SREK1: variants seen among roughly 807,000 people sequenced by gnomAD.
The protein encoded by SREK1 is splicing regulatory glutamic acid and lysine rich protein 1, also known as splicing regulatory glutamine/lysine-rich protein 1.
In SREK1, 13 loss-of-function variants were observed where a neutral mutation model predicts 66.5. That is an observed-to-expected ratio of 0.20 (90% CI 0.13 to 0.31). The LOEUF is 0.31. SREK1 is among the 10% of genes least tolerant of loss of function. The probability of loss-of-function intolerance (pLI) is 1.00; values close to 1 mark genes in which losing one functional copy is unlikely to be tolerated. For synonymous variants in SREK1, 265 were observed against 263.5 expected (o/e 1.01, Z -0.05); for missense variants, 607 against 769.6 (o/e 0.79, Z 2.50).
chr5:66,154,126 G>A (rs531651579), intron 2 of SREK1, among the ~76,000 whole-genome samples: 40 of 152,076 alleles, frequency 2.6e-4, no homozygotes, highest in African/African-American at 8.9e-4. Flanking sequence ...GGAATTTAAT[G>A]TTTTCTTTTA....
chr5:66,168,970 A>G (rs1217528974), intron 7 of SREK1: 1 of 152,202 alleles, frequency 6.6e-6, no homozygotes, highest in African/African-American at 2.4e-5. Flanking sequence ...TCCACTTTAT[A>G]GAGGAAGAAA....
Position 66,181,578 on chromosome 5 carries a change from C to T in SREK1, c.*2710C>T, listed in dbSNP as rs1228358826. On this transcript the variant is annotated 3_prime_UTR_variant, in exon 12 of 12. Transcript: ENST00000334121. ...TCCTTAAGTTGTAGTTGCTATTTAT[C>T]ATTGTAGACAAATTCTGTTGCCTTT... The T allele has an allele frequency of 1.3e-5, 2 of 152,178 alleles. No homozygotes were observed. The highest frequency in any genetic ancestry group is 2.4e-5 in the African/African-American group (1 of 41,456). The allele number at this position is 152,178 out of a possible 1,614,324, so 9.4% of individuals were successfully genotyped here.
chr5:66,159,145 G>T, intron 2 of SREK1, 74 bp from the exon 3 acceptor site: 2 of 1,532,086 alleles, frequency 1.3e-6, no homozygotes, highest in Non-Finnish European at 8.8e-7. Flanking sequence ...AACTGCAAGG[G>T]TAATTGTAAA....
In SREK1 at chr5:66,170,959, C is replaced by A. The variant is rs1580668613; in HGVS notation, c.1484+12C>A. On this transcript the variant is annotated intron_variant, in intron 9 of 11. Coordinates refer to ENST00000334121, the MANE Select transcript of SREK1 (RefSeq NM_001077199.3). ...CGTAGTTCCAGCAGGTTTGATAATG[C>A]TTAAAATTTTTACAAAGGGATTTGC... 4.4e-6 allele frequency: 7 copies of A among 1,574,894 alleles called. No individual in the cohort carries two copies. Among genetic ancestry groups the A allele is most frequent in the East Asian group, 4.5e-5 (2 of 44,562 alleles).
In SREK1 at chr5:66,177,549, G is replaced by C; in HGVS notation, c.1616G>C (p.Arg539Thr). Residue 539 changes from arginine (R) to threonine (T), a missense_variant, in exon 11 of 12, where the codon AGG (arginine) becomes ACG (threonine). By Grantham distance (71) the Arg-to-Thr change is moderately conservative. Around this residue, in one of 5 missense-constraint regions of SREK1, gnomAD observed 318 missense variants for 310.3 expected, o/e 1.02. Coordinates refer to ENST00000334121, the MANE Select transcript of SREK1 (RefSeq NM_001077199.3). Reference sequence around the variant, plus strand: ...AAGGATAAAAAGAGAGAAAAAGAAAGGGACCACATCAGTGAAAGAAGAGAG... The same window carrying C: ...AAGGATAAAAAGAGAGAAAAAGAAACGGACCACATCAGTGAAAGAAGAGAG... The part of the protein sequence containing the change: ...NKKDKKREKE[R>T]DHISERRERE... 2 of 1,603,194 alleles carry C rather than the reference G, an allele frequency of 1.2e-6. No individual in the cohort carries two copies. Among genetic ancestry groups the C allele is most frequent in the Non-Finnish European group, 1.7e-6 (2 of 1,175,024 alleles).
At chr5:66,151,281 G>T (rs778789103) in intron 1 of SREK1, among the ~76,000 whole-genome samples, 18 of 152,160 alleles carry the variant, frequency 1.2e-4, no homozygotes, top group Non-Finnish European at 2.1e-4. Context: ...GTCAAACAGT[G>T]GTTCTCAGAG....
At chr5:66,177,722 A>C in intron 11 of SREK1, 64 bp downstream of exon 11, 1 of 1,404,310 alleles carries the variant, frequency 7.1e-7, no homozygotes, top group Non-Finnish European at 9.5e-7. Flanking sequence ...AAATGGTTTT[A>C]GACTGAAAGC....
intron 2 of SREK1, chr5:66,157,377 T>C: frequency 1.0e-6 from 1 of 982,890 alleles, no homozygotes; most frequent in Non-Finnish European, 1.2e-6. Context: ...GGACAAGTAA[T>C]ATTAAATTTG....
rs181317511 is a variant in SREK1 at position 66,151,888 on chromosome 5, T to C, written c.162-1575T>C. On this transcript the variant is annotated intron_variant, in intron 1 of 11. Coordinates refer to ENST00000334121, the MANE Select transcript of SREK1 (RefSeq NM_001077199.3). ...TGAGAAGGAGTCTCGCTCTGTTGCC[T>C]AGGCTGGAGTGCAGTGGCGCAATCT... is the stretch of plus-strand genomic sequence containing the variant. Among the ~76,000 whole-genome samples the C allele has an allele frequency of 4.4e-3, 589 of 133,810 alleles. 4 individuals carry two copies. The highest frequency in any genetic ancestry group is 0.015 in the African/African-American group (545 of 37,098). 87.8% of individuals were successfully genotyped at this position (133,810 alleles called of 152,430 possible). A position where few individuals can be genotyped will look rare whatever the true frequency, so the allele number is the denominator to read the frequency against.
chr5:66,144,363 G>A lies in SREK1; in HGVS notation c.-14G>A. The A allele has an allele frequency of 6.5e-7, 1 of 1,530,794 alleles. No individual in the cohort carries two copies. The highest frequency in any genetic ancestry group is 8.8e-7 in the Non-Finnish European group (1 of 1,132,010). 94.8% of individuals were successfully genotyped at this position (1,530,794 alleles called of 1,614,324 possible). ...GACGTTGGGGAGCGGGAAGGCAACG[G>A]CAGCGGGATCGGGATGAACAGCGGC... is the stretch of plus-strand genomic sequence containing the variant. On this transcript the variant is annotated 5_prime_UTR_variant, in exon 1 of 12. Coordinates refer to ENST00000334121, the MANE Select transcript of SREK1 (RefSeq NM_001077199.3).
rs1226036719 is a variant in SREK1 at position 66,180,689 on chromosome 5, C to G, written c.*1821C>G. ...GTAAAGTATAGATGGTCATTTTAATCATTCAGCCACATACGGTTGGCTGGT... is the reference window on the plus strand; with the variant it reads ...GTAAAGTATAGATGGTCATTTTAATGATTCAGCCACATACGGTTGGCTGGT... On this transcript the variant is annotated 3_prime_UTR_variant, in exon 12 of 12. Coordinates refer to ENST00000334121, the MANE Select transcript of SREK1 (RefSeq NM_001077199.3). 6.6e-6 allele frequency: 1 copy of G among 152,638 alleles called. No homozygotes were observed. The highest frequency in any genetic ancestry group is 1.9e-4 in the East Asian group (1 of 5,190). 9.5% of individuals were successfully genotyped at this position (152,638 alleles called of 1,614,324 possible). A position where few individuals can be genotyped will look rare whatever the true frequency, so the allele number is the denominator to read the frequency against.
chr5:66,150,873 C>T (rs751935863), intron 1 of SREK1, among the ~76,000 whole-genome samples: 14 of 152,096 alleles, frequency 9.2e-5, no homozygotes, highest in Non-Finnish European at 1.8e-4. Context: ...CACAGTCTCA[C>T]TCTCTTGCCC....
intron 9 of SREK1, among the ~76,000 whole-genome samples, chr5:66,172,223 G>A (rs1270930116): frequency 6.6e-6 from 1 of 152,106 alleles, no homozygotes; most frequent in African/African-American, 2.4e-5. Flanking sequence ...ACATGCCTTT[G>A]TGTTTCTGTG....
intron 10 of SREK1, among the ~76,000 whole-genome samples, chr5:66,176,114 T>C (rs1235046239): frequency 6.6e-6 from 1 of 152,182 alleles, no homozygotes; most frequent in Non-Finnish European, 1.5e-5. Context: ...GTGTACAATA[T>C]GGCAAATGGG....
At chr5:66,163,425 G>A in intron 5 of SREK1, 1 of 187,364 alleles carries the variant, frequency 5.3e-6, no homozygotes, top group Non-Finnish European at 1.1e-5. Flanking sequence ...CTTCTAGAGT[G>A]TACAGGATAT....
intron 7 of SREK1, 87 bp from the exon 8 acceptor site, chr5:66,169,964 T>G: frequency 9.1e-7 from 1 of 1,095,030 alleles, no homozygotes; most frequent in Non-Finnish European, 1.2e-6. Context: ...TAAAATATTG[T>G]TAAATACTGT....
chr5:66,177,420 T>G (rs989491549), intron 10 of SREK1, 94 bp from the exon 11 acceptor site: 23 of 1,030,654 alleles, frequency 2.2e-5, no homozygotes, highest in Admixed American at 2.0e-4. Flanking sequence ...ATGCATTATT[T>G]TAGATATCCA....
At chr5:66,155,401 G>C (rs548028557) in intron 2 of SREK1, among the ~76,000 whole-genome samples, 1 of 152,232 alleles carries the variant, frequency 6.6e-6, no homozygotes, top group South Asian at 2.1e-4. Context: ...TATTAAATAC[G>C]GCAGAGATGA....
In SREK1 at chr5:66,144,448, G is replaced by C; in HGVS notation, c.72G>C (p.Thr24=). The part of the protein sequence containing the change: ...GLTPTSVIQV[T]NLSSAVTSEQ... ...CCCCCACGTCGGTGATTCAGGTGAC[G>C]AATCTGTCGTCGGCGGTGACCAGCG... Residue 24 remains threonine (T), a synonymous_variant, in exon 1 of 12, where the codon ACG becomes ACC. Coordinates refer to ENST00000334121, the MANE Select transcript of SREK1 (RefSeq NM_001077199.3). 2 of 1,552,080 alleles carry C rather than the reference G, an allele frequency of 1.3e-6. No homozygotes were observed. The highest frequency in any genetic ancestry group is 1.2e-5 in the South Asian group (1 of 84,082).
Sources: gnomAD v4.1 joint callset for allele counts (sites outside exome capture counted in the v4.1 genomes callset) on GRCh38, gnomAD v4.1.1 for gene constraint, gnomAD v4.1.1 regional missense constraint, MANE v1.5 for transcripts, NCBI Gene and HGNC (gene_info 2026-07-23, HGNC 2026-07-21) for gene names.